The following MPP7 variants were observed in gnomAD, a reference collection of about 807,000 sequenced individuals.
MPP7 encodes MAGUK p55 subfamily member 7.
A neutral mutation model predicts 76.5 loss-of-function variants in MPP7; 60 were observed. That is an observed-to-expected ratio of 0.78 (90% CI 0.64 to 0.97). The LOEUF (loss-of-function observed/expected upper bound fraction) is 0.97. MPP7 is among the 50% of genes least tolerant of loss of function. The pLI, the probability that MPP7 is intolerant of heterozygous loss-of-function variation, is 0.00. For missense variants in MPP7, 641 were observed against 694.0 expected, an observed-to-expected ratio of 0.92 and a Z score of 0.86; for synonymous variants, 237 against 244.5, an observed-to-expected ratio of 0.97 and a Z score of 0.29.
chr10:28,214,352 T>C (rs975991776), intron 2 of MPP7, among the ~76,000 whole-genome samples: 9 of 152,118 alleles, frequency 5.9e-5, no homozygotes, highest in African/African-American at 1.9e-4. Context: ...TTCTTCAGGA[T>C]CCCTGAAACT....
chr10:28,296,041 T>C (rs981455713), intron 1 of MPP7, among the ~76,000 whole-genome samples: 1 of 152,232 alleles, frequency 6.6e-6, no homozygotes, highest in Non-Finnish European at 1.5e-5. Flanking sequence ...GGTTTCTACT[T>C]ATTCCAAAAA....
At chr10:28,163,860 G>A (rs1318946788) in intron 3 of MPP7, among the ~76,000 whole-genome samples, 7 of 150,434 alleles carry the variant, frequency 4.7e-5, no homozygotes, top group South Asian at 2.1e-4. Context: ...GCAGTGAGCC[G>A]AGGCCGCGCC....
At chr10:28,314,917 G>A (rs1841309851) in intron 2 of MPP7, among the ~76,000 whole-genome samples, 1 of 152,128 alleles carries the variant, frequency 6.6e-6, no homozygotes, top group South Asian at 2.1e-4. Context: ...GGAAGCCAAG[G>A]CAGGAGAATC....
chr10:28,335,080 G>A (rs4747618), upstream of MPP7, among the ~76,000 whole-genome samples: 27,470 of 152,180 alleles, frequency 0.18, 3,144 homozygotes, highest in East Asian at 0.5. Flanking sequence ...TCAAGTTCCC[G>A]ACACGGCTGC....
intron 5 of MPP7, among the ~76,000 whole-genome samples, chr10:28,142,661 G>A (rs1317832130): frequency 6.6e-6 from 1 of 152,210 alleles, no homozygotes; most frequent in East Asian, 1.9e-4. Context: ...AACTTGGGAG[G>A]TGGAGGTTAC....
At chr10:28,211,399 T>C (rs1838129957) in intron 2 of MPP7, among the ~76,000 whole-genome samples, 2 of 152,084 alleles carry the variant, frequency 1.3e-5, no homozygotes, top group South Asian at 4.2e-4. Context: ...TTAGATACTC[T>C]GATGCTTTGA....
intron 2 of MPP7, among the ~76,000 whole-genome samples, chr10:28,324,142 T>C (rs774519130): frequency 2.0e-5 from 3 of 152,128 alleles, no homozygotes; most frequent in Non-Finnish European, 4.4e-5. Flanking sequence ...GCAGGGTCTT[T>C]GGGGCTGTGA....
upstream of MPP7, among the ~76,000 whole-genome samples, chr10:28,303,831 T>G (rs1425305368): frequency 3.3e-5 from 5 of 152,158 alleles, no homozygotes; most frequent in Admixed American, 2.6e-4. Context: ...GCCCTTCAGC[T>G]CTCTTAAAGA....
intron 12 of MPP7, among the ~76,000 whole-genome samples, chr10:28,081,309 AC>A (rs1286635931): frequency 6.6e-6 from 1 of 152,186 alleles, no homozygotes; most frequent in Admixed American, 6.5e-5. Flanking sequence ...CCTCACCCAC[AC>A]ACACATTATT....
At chr10:28,295,045 T>C (rs1841007749) in intron 1 of MPP7, among the ~76,000 whole-genome samples, 3 of 152,008 alleles carry the variant, frequency 2.0e-5, no homozygotes, top group Non-Finnish European at 4.4e-5. Context: ...CGCCAGGACC[T>C]CCCCTCCCAG....
intron 2 of MPP7, among the ~76,000 whole-genome samples, chr10:28,214,981 C>T (rs1004760882): frequency 1.3e-5 from 2 of 152,066 alleles, no homozygotes; most frequent in African/African-American, 4.8e-5. Context: ...ACCCTGCACT[C>T]GATGGATCAG....
At chr10:28,275,087 C>T (rs773588005) in intron 1 of MPP7, among the ~76,000 whole-genome samples, 3 of 152,168 alleles carry the variant, frequency 2.0e-5, no homozygotes, top group Non-Finnish European at 2.9e-5. Flanking sequence ...AATGCTGCCA[C>T]TAAAGAACAA....
At chr10:28,083,156 G>T (rs973298272) in intron 12 of MPP7, among the ~76,000 whole-genome samples, 31 of 152,240 alleles carry the variant, frequency 2.0e-4, no homozygotes, top group African/African-American at 7.0e-4. Flanking sequence ...TGCCTCACAG[G>T]ATATAAAGAG....
At chr10:28,262,858 T>C (rs1377921892) in intron 1 of MPP7, among the ~76,000 whole-genome samples, 1 of 151,956 alleles carries the variant, frequency 6.6e-6, no homozygotes, top group African/African-American at 2.4e-5. Context: ...GAGTTAGGCA[T>C]GAGCCTGACC....
chr10:28,300,768 A>G lies in MPP7; in HGVS notation c.-132+2093T>C, dbSNP rs541442652. On this transcript the variant is annotated intron_variant, in intron 1 of 16. Transcript: ENST00000683449. ...GGAGTTCGAGACCAGCCTGGCCAAC[A>G]TAGTGAAACCCCATCTCTACAAAAA... Among the ~76,000 whole-genome samples the G allele has an allele frequency of 3.6e-4, 55 of 151,904 alleles. 1 individual carries two copies. Among genetic ancestry groups the G allele is most frequent in the Non-Finnish European group, 2.5e-4 (17 of 67,992 alleles).
At chr10:28,253,751 T>C (rs1839692033) in intron 1 of MPP7, among the ~76,000 whole-genome samples, 1 of 151,918 alleles carries the variant, frequency 6.6e-6, no homozygotes, top group East Asian at 1.9e-4. Context: ...ATCCCAGCAT[T>C]TTCGGAGGCC....
intron 12 of MPP7, among the ~76,000 whole-genome samples, chr10:28,086,569 A>G (rs950917589): frequency 2.6e-5 from 4 of 152,216 alleles, no homozygotes; most frequent in Non-Finnish European, 4.4e-5. Flanking sequence ...TTTTTGGCTG[A>G]CAATAGAATG....
chr10:28,138,799 T>G (rs1835423864), intron 5 of MPP7, among the ~76,000 whole-genome samples: 2 of 152,222 alleles, frequency 1.3e-5, no homozygotes, highest in South Asian at 4.1e-4. Context: ...GTCATATAAA[T>G]GTACAGAATT....
intron 1 of MPP7, among the ~76,000 whole-genome samples, chr10:28,255,701 A>C (rs1455040186): frequency 2.6e-5 from 4 of 152,180 alleles, no homozygotes; most frequent in African/African-American, 9.6e-5. Context: ...CACTGTGCCC[A>C]GCCCATCTTT....
Sources: allele counts gnomAD v4.1 joint callset (sites outside exome capture counted in the v4.1 genomes callset), GRCh38; gene constraint gnomAD v4.1.1; transcripts MANE v1.5; gene names NCBI Gene and HGNC (gene_info 2026-07-23, HGNC 2026-07-21).